The following NUDCD1 variants were observed in gnomAD, a reference collection of about 807,000 sequenced individuals.
NUDCD1 encodes the protein NudC domain containing 1.
In NUDCD1, 60 loss-of-function variants were observed where a neutral mutation model predicts 67.8. The observed-to-expected ratio is 0.88, with a 90% CI of 0.72 to 1.10. The LOEUF (loss-of-function observed/expected upper bound fraction) is 1.10. NUDCD1 is among the 50% of genes least tolerant of loss of function. The pLI is 0.00. For synonymous variants in NUDCD1, 244 were observed against 230.8 expected (o/e 1.06, Z -0.52); for missense variants, 643 against 695.0 (o/e 0.93, Z 0.84).
At chr8:109,288,963 G>C (rs2130012556) in intron 5 of NUDCD1, among the ~76,000 whole-genome samples, 1 of 150,840 alleles carries the variant, frequency 6.6e-6, no homozygotes, top group East Asian at 1.9e-4. Flanking sequence ...AATTTCTTCT[G>C]AAATTTCTTG....
chr8:109,242,871 C>T lies in NUDCD1; in HGVS notation c.*138G>A. The stretch of plus-strand genomic sequence containing the variant: ...GAATCATAATCTCTTGAATATATTT[C>T]CAATGTTATTAAAAAATAAAAAATC... On this transcript the variant is annotated 3_prime_UTR_variant, in exon 10 of 10. Transcript: ENST00000239690. The T allele has an allele frequency of 1.9e-6, 1 of 514,236 alleles. No homozygotes were observed. Among genetic ancestry groups the T allele is most frequent in the East Asian group, 3.0e-5 (1 of 33,608 alleles). 31.9% of individuals were successfully genotyped at this position (514,236 alleles called of 1,614,324 possible).
intron 2 of NUDCD1, among the ~76,000 whole-genome samples, chr8:109,318,062 T>C (rs538843104): frequency 6.3e-4 from 96 of 152,324 alleles, no homozygotes; most frequent in Non-Finnish European, 9.6e-4. Context: ...CACCAACCTA[T>C]ACATTAGTGT....
intron 1 of NUDCD1, among the ~76,000 whole-genome samples, chr8:109,326,004 T>C (rs866622933): frequency 6.6e-6 from 1 of 152,198 alleles, no homozygotes; most frequent in African/African-American, 2.4e-5. Flanking sequence ...GTTAGAAATA[T>C]GTATTCTTGG....
chr8:109,331,361 C>A (rs969039021), intron 1 of NUDCD1, among the ~76,000 whole-genome samples: 6 of 151,654 alleles, frequency 4.0e-5, no homozygotes, highest in African/African-American at 1.5e-4. Context: ...AAGAAACAAA[C>A]AAAAATTAGC....
intron 2 of NUDCD1, among the ~76,000 whole-genome samples, chr8:109,308,576 C>T (rs1172814558): frequency 6.6e-6 from 1 of 151,954 alleles, no homozygotes; most frequent in Non-Finnish European, 1.5e-5. Context: ...ATGCATAGAC[C>T]ATTAGCAAGA....
At chr8:109,297,327 T>C (rs1015997864) in intron 2 of NUDCD1, among the ~76,000 whole-genome samples, 1 of 152,212 alleles carries the variant, frequency 6.6e-6, no homozygotes. Flanking sequence ...CAAATTTTAA[T>C]TGGTCTATGT....
chr8:109,242,472 A>G lies in NUDCD1; in HGVS notation c.*537T>C, dbSNP rs922398465. On this transcript the variant is annotated 3_prime_UTR_variant, in exon 10 of 10. Coordinates refer to ENST00000239690, the MANE Select transcript of NUDCD1 (RefSeq NM_032869.4). ...CAGAGCAACTGGCTAAAAGTTACAT[A>G]AAGCTATACTTAATTTGAAAATAAT... 1 of 232,918 alleles carries G rather than the reference A, an allele frequency of 4.3e-6. No homozygotes were observed. Among genetic ancestry groups the G allele is most frequent in the African/African-American group, 2.2e-5 (1 of 44,588 alleles). The allele number at this position is 232,918 out of a possible 1,614,324, so 14.4% of individuals were successfully genotyped here.
intron 2 of NUDCD1, among the ~76,000 whole-genome samples, chr8:109,308,039 C>A (rs565560491): frequency 2.0e-5 from 3 of 152,244 alleles, no homozygotes; most frequent in East Asian, 3.9e-4. Flanking sequence ...GACTTCAATG[C>A]TCCACTAACA....
chr8:109,278,067 T>C (rs905792939), intron 6 of NUDCD1, among the ~76,000 whole-genome samples: 2 of 152,198 alleles, frequency 1.3e-5, no homozygotes, highest in African/African-American at 4.8e-5. Context: ...TACTACTAAT[T>C]AAGAACTATA....
At chr8:109,301,531 T>C (rs1286269025) in intron 2 of NUDCD1, among the ~76,000 whole-genome samples, 2 of 152,216 alleles carry the variant, frequency 1.3e-5, no homozygotes, top group Non-Finnish European at 2.9e-5. Flanking sequence ...GGAGGACTCC[T>C]TTGGGAGACC....
intron 8 of NUDCD1, among the ~76,000 whole-genome samples, chr8:109,259,626 G>A (rs1275501982): frequency 6.6e-6 from 1 of 152,186 alleles, no homozygotes; most frequent in Non-Finnish European, 1.5e-5. Context: ...TGAAAAGGCA[G>A]GTTGAGTACT....
chr8:109,258,174 A>C (rs541105866), intron 8 of NUDCD1, among the ~76,000 whole-genome samples: 1 of 152,244 alleles, frequency 6.6e-6, no homozygotes, highest in East Asian at 1.9e-4. Flanking sequence ...TTTCATATGC[A>C]GCCCATCTGT....
intron 9 of NUDCD1, among the ~76,000 whole-genome samples, chr8:109,243,549 G>T (rs1813425140): frequency 6.6e-6 from 1 of 152,098 alleles, no homozygotes; most frequent in African/African-American, 2.4e-5. Flanking sequence ...TTCAAAAAAA[G>T]CGTAATATAG....
At chr8:109,327,872 T>C (rs1815715463) in intron 1 of NUDCD1, among the ~76,000 whole-genome samples, 1 of 152,210 alleles carries the variant, frequency 6.6e-6, no homozygotes, top group Admixed American at 6.5e-5. Flanking sequence ...CTCCCCTACC[T>C]TGTTCTTCTC....
rs188002485 is a variant in NUDCD1 at position 109,329,870 on chromosome 8, A to G, written c.118+4023T>C. On this transcript the variant is annotated intron_variant, in intron 1 of 9. Transcript: ENST00000239690. ...TGGACATGGGACCCTTCAATACAAAATCAATAATCTTAGCAAAGAAAACAT... is the reference window on the plus strand; with the variant it reads ...TGGACATGGGACCCTTCAATACAAAGTCAATAATCTTAGCAAAGAAAACAT... 3 of 1,548,428 alleles carry G rather than the reference A, an allele frequency of 1.9e-6. No homozygotes were observed. In the African/African-American group the frequency reaches 4.1e-5, roughly 21 times the overall value.
intron 7 of NUDCD1, among the ~76,000 whole-genome samples, chr8:109,273,787 G>A (rs1342861538): frequency 2.0e-5 from 3 of 151,978 alleles, no homozygotes; most frequent in African/African-American, 7.2e-5. Flanking sequence ...AGAAATAGAA[G>A]AGAGAACACT....
At chr8:109,276,056 GA>G (rs1233635823) in intron 6 of NUDCD1, among the ~76,000 whole-genome samples, 1 of 152,000 alleles carries the variant, frequency 6.6e-6, no homozygotes, top group Non-Finnish European at 1.5e-5. Context: ...TAGAAATAAG[GA>G]AAAAAATTAA....
chr8:109,312,995 G>C (rs1265512846), intron 2 of NUDCD1, among the ~76,000 whole-genome samples: 1 of 152,086 alleles, frequency 6.6e-6, no homozygotes, highest in Non-Finnish European at 1.5e-5. Context: ...CCTCCTTCTA[G>C]GTAAGACTTA....
Position 109,327,576 on chromosome 8 carries a change from T to TAGTAATACTA in NUDCD1, c.119-5123_119-5114dup, listed in dbSNP as rs537139495. Among the ~76,000 whole-genome samples the TAGTAATACTA allele has an allele frequency of 2.9e-3, 448 of 152,358 alleles. 2 individuals carry two copies. The highest frequency in any genetic ancestry group is 0.01 in the African/African-American group (429 of 41,580). Reference sequence around the variant, plus strand: ...CCATTTCCTCATCTATAATAAAGGTTAGTAATACTAATTGTACCAAAACAT... The same window carrying TAGTAATACTA: ...CCATTTCCTCATCTATAATAAAGGTTAGTAATACTAAGTAATACTAATTGTACCAAAACAT... On this transcript the variant is annotated intron_variant, in intron 1 of 9. Coordinates refer to ENST00000239690, the MANE Select transcript of NUDCD1 (RefSeq NM_032869.4).
Sources: gnomAD v4.1 joint callset for allele counts (sites outside exome capture counted in the v4.1 genomes callset) on GRCh38, gnomAD v4.1.1 for gene constraint, MANE v1.5 for transcripts, NCBI Gene and HGNC (gene_info 2026-07-23, HGNC 2026-07-21) for gene names.